The following PARP8 variants were observed in gnomAD, a reference collection of about 807,000 sequenced individuals.
PARP8 encodes protein mono-ADP-ribosyltransferase PARP8.
A neutral mutation model predicts 124.1 loss-of-function variants in PARP8; 51 were observed. That is an observed-to-expected ratio of 0.41 (90% CI 0.33 to 0.52). PARP8 has a LOEUF of 0.52. Ranked by LOEUF, PARP8 falls within the 20% of genes least tolerant of loss-of-function variation. The probability of loss-of-function intolerance (pLI) is 0.21; values close to 1 mark genes in which losing one functional copy is unlikely to be tolerated. For synonymous variants in PARP8, 391 were observed against 361.5 expected (o/e 1.08, Z -0.93); for missense variants, 860 against 1,018.9 (o/e 0.84, Z 2.12).
chr5:50,841,742 TAAA>T, intron 25 of PARP8, among the ~76,000 whole-genome samples: 1 of 146,780 alleles, frequency 6.8e-6, no homozygotes. Flanking sequence ...TATGCGGGGA[TAAA>T]AAAAAAAAAT....
intron 9 of PARP8, 116 bp from the exon 10 acceptor site, chr5:50,788,407 T>A: frequency 1.2e-6 from 1 of 829,180 alleles, no homozygotes. Context: ...ATGTACACTG[T>A]TTTTAAATGT....
chr5:50,720,640 A>C (rs1324572017), intron 2 of PARP8, among the ~76,000 whole-genome samples: 2 of 152,050 alleles, frequency 1.3e-5, no homozygotes, highest in African/African-American at 4.8e-5. Flanking sequence ...GGAGCCTGGG[A>C]TATATAGTCC....
Position 50,666,997 on chromosome 5 carries a change from G to C in PARP8, c.-99G>C. 2.0e-6 allele frequency: 3 copies of C among 1,531,520 alleles called. No individual in the cohort carries two copies. Among genetic ancestry groups the C allele is most frequent in the South Asian group, 1.1e-5 (1 of 88,764 alleles). The allele number at this position is 1,531,520 out of a possible 1,614,324, so 94.9% of individuals were successfully genotyped here. On this transcript the variant is annotated 5_prime_UTR_variant, in exon 1 of 26. Transcript: ENST00000281631. ...GCCTTCAGCCCCTGCCTCGGCCAGA[G>C]GTTTCATTTTTAACTGAATATTTAC...
chr5:50,826,406 A>G (rs1302129532), intron 18 of PARP8, among the ~76,000 whole-genome samples: 2 of 152,102 alleles, frequency 1.3e-5, no homozygotes, highest in African/African-American at 2.4e-5. Flanking sequence ...CAGATCCATG[A>G]CTCACTGCTC....
At chr5:50,781,253 C>T (rs1010250433) in intron 9 of PARP8, among the ~76,000 whole-genome samples, 5 of 151,960 alleles carry the variant, frequency 3.3e-5, no homozygotes, top group African/African-American at 4.8e-5. Flanking sequence ...TTACTGATTC[C>T]GTATTATTCC....
At chr5:50,756,914 T>C (rs1760022781) in intron 3 of PARP8, among the ~76,000 whole-genome samples, 1 of 152,206 alleles carries the variant, frequency 6.6e-6, no homozygotes, top group African/African-American at 2.4e-5. Context: ...AGTGAAATCA[T>C]GCAGTATTTA....
At chr5:50,820,765 A>G (rs764464976) in intron 15 of PARP8, among the ~76,000 whole-genome samples, 6 of 152,218 alleles carry the variant, frequency 3.9e-5, no homozygotes, top group African/African-American at 1.4e-4. Flanking sequence ...CCACTCTAAA[A>G]CAATGTCCCT....
chr5:50,822,609 A>G (rs1745888922), intron 17 of PARP8, among the ~76,000 whole-genome samples: 1 of 152,164 alleles, frequency 6.6e-6, no homozygotes, highest in African/African-American at 2.4e-5. Flanking sequence ...TTATACTCCT[A>G]ATACTCTGCC....
chr5:50,790,799 A>G lies in PARP8; in HGVS notation c.737+2210A>G, dbSNP rs923981559. 2.6e-5 allele frequency among the ~76,000 whole-genome samples: 4 copies of G among 152,172 alleles called. No homozygotes were observed. The East Asian group carries it at 5.8e-4, about 22-fold the overall frequency. ...ATTAATATCCCTATCCGAGTGATTA[A>G]TGTTTTCAAAGAGTTACTTGCTTTT... On this transcript the variant is annotated intron_variant, in intron 10 of 25. Transcript: ENST00000281631.
At chr5:50,716,064 C>T (rs1388124981) in intron 2 of PARP8, among the ~76,000 whole-genome samples, 1 of 152,052 alleles carries the variant, frequency 6.6e-6, no homozygotes, top group Non-Finnish European at 1.5e-5. Flanking sequence ...ATGAGTAATT[C>T]TTTCCAAAAA....
intron 6 of PARP8, 52 bp downstream of exon 6, chr5:50,761,950 G>T (rs1311578329): frequency 8.4e-7 from 1 of 1,187,038 alleles, no homozygotes; most frequent in Non-Finnish European, 1.2e-6. Context: ...TAATAGCCAT[G>T]TTGTCCTAGT....
intron 9 of PARP8, among the ~76,000 whole-genome samples, chr5:50,784,784 CT>C (rs1741062021): frequency 6.6e-6 from 1 of 151,764 alleles, no homozygotes; most frequent in Non-Finnish European, 1.5e-5. Flanking sequence ...TTTTTGTTTG[CT>C]TTTTTTGCTT....
intron 6 of PARP8, 87 bp downstream of exon 6, chr5:50,761,985 G>T: frequency 1.3e-6 from 1 of 752,312 alleles, no homozygotes; most frequent in Non-Finnish European, 2.2e-6. Context: ...GAGAGTTAAG[G>T]GACCTGTGTG....
intron 14 of PARP8, among the ~76,000 whole-genome samples, chr5:50,798,665 A>T (rs1742839010): frequency 6.6e-6 from 1 of 151,772 alleles, no homozygotes; most frequent in Non-Finnish European, 1.5e-5. Context: ...CTTGTGATTC[A>T]CCAGCCTCGG....
At chr5:50,719,790 T>A (rs1755689645) in intron 2 of PARP8, among the ~76,000 whole-genome samples, 1 of 152,006 alleles carries the variant, frequency 6.6e-6, no homozygotes, top group African/African-American at 2.4e-5. Flanking sequence ...AAGAGAGAAG[T>A]TATAAAAAGA....
intron 10 of PARP8, among the ~76,000 whole-genome samples, chr5:50,792,400 T>G (rs27468): frequency 0.11 from 16,073 of 152,142 alleles, 886 homozygotes; most frequent in South Asian, 0.16. Context: ...AGTTTAAGAA[T>G]TACTGATTTT....
At chr5:50,794,473 C>A in intron 11 of PARP8, 141 bp downstream of exon 11, 1 of 890,704 alleles carries the variant, frequency 1.1e-6, no homozygotes, top group Non-Finnish European at 1.7e-6. Flanking sequence ...TAGATGCATT[C>A]CATCAAAAAC....
intron 7 of PARP8, among the ~76,000 whole-genome samples, chr5:50,769,583 AT>A (rs907989099): frequency 6.2e-4 from 94 of 151,872 alleles, no homozygotes; most frequent in African/African-American, 2.0e-3. Context: ...ATGCACATAG[AT>A]TTTTTTTATC....
At chr5:50,772,669 G>A (rs1311921913) in intron 7 of PARP8, among the ~76,000 whole-genome samples, 1 of 151,620 alleles carries the variant, frequency 6.6e-6, no homozygotes, top group Non-Finnish European at 1.5e-5. Flanking sequence ...TGCACATTCG[G>A]GTCTTTTGCC....
Sources: allele counts gnomAD v4.1 joint callset (sites outside exome capture counted in the v4.1 genomes callset), GRCh38; gene constraint gnomAD v4.1.1; transcripts MANE v1.5; gene names NCBI Gene and HGNC (gene_info 2026-07-23, HGNC 2026-07-21).